Variants in ZNF681 observed in about 807,000 individuals in gnomAD.
The protein encoded by ZNF681 is zinc finger protein 681.
In ZNF681, 37 loss-of-function variants were observed where a neutral mutation model predicts 56.0. That is an observed-to-expected ratio of 0.66 (90% CI 0.51 to 0.87). The LOEUF (loss-of-function observed/expected upper bound fraction) is 0.87. ZNF681 is among the 40% of genes least tolerant of loss of function. The pLI is 0.00. For synonymous variants in ZNF681, 225 were observed against 248.6 expected, an observed-to-expected ratio of 0.91 and a Z score of 0.89; for missense variants, 741 against 744.9, an observed-to-expected ratio of 0.99 and a Z score of 0.06.
In ZNF681 at chr19:23,743,823, T is replaced by G; in HGVS notation, c.1727A>C (p.His576Pro). 6.2e-7 allele frequency: 1 copy of G among 1,612,742 alleles called. No individual in the cohort carries two copies. The highest frequency in any genetic ancestry group is 8.5e-7 in the Non-Finnish European group (1 of 1,179,550). Reference protein sequence around the residue: ...ECGKAFNQSSHLTRHKRIHTG... With the variant: ...ECGKAFNQSSPLTRHKRIHTG... ...ATGAATTCTCTTATGTCTAGTAAGG[T>G]GTGAGGACTGGTTAAAGGCTTTACC... The change falls in exon 4 of 4, where the codon CAC becomes CCC. Residue 576 changes from histidine to proline, a missense_variant. Transcript: ENST00000402377.
intron 3 of ZNF681, among the ~76,000 whole-genome samples, chr19:23,747,440 C>T (rs1444901429): frequency 2.6e-5 from 4 of 151,786 alleles, no homozygotes; most frequent in Non-Finnish European, 5.9e-5. Context: ...GAGATCAAGA[C>T]CATCCTGGCT....
chr19:23,757,919 T>C (rs958435371), intron 1 of ZNF681, among the ~76,000 whole-genome samples: 1 of 152,194 alleles, frequency 6.6e-6, no homozygotes. Flanking sequence ...GCCCTATCAA[T>C]TATATGACAT....
chr19:23,739,341 G>C lies in ZNF681; in HGVS notation c.*4271C>G, dbSNP rs1013444708. The C allele has an allele frequency of 6.6e-6, 1 of 152,112 alleles. No homozygotes were observed. Among genetic ancestry groups the C allele is most frequent in the Non-Finnish European group, 1.5e-5 (1 of 68,020 alleles). The allele number at this position is 152,112 out of a possible 1,614,324, so 9.4% of individuals were successfully genotyped here. On this transcript the variant is annotated 3_prime_UTR_variant, in exon 4 of 4. Coordinates refer to ENST00000402377, the MANE Select transcript of ZNF681 (RefSeq NM_138286.3). ...ATGCCAACATATTTGGAAAAAAGAG[G>C]GGTTTAGAAAGATGTCAGTCAAATA...
chr19:23,744,930 A>G lies in ZNF681; in HGVS notation c.620T>C (p.Phe207Ser). 6.2e-7 allele frequency: 1 copy of G among 1,602,950 alleles called. No homozygotes were observed. Among genetic ancestry groups the G allele is most frequent in the South Asian group, 1.1e-5 (1 of 89,328 alleles). ...FYKCEDCGKA[F>S]NGSSIFTKHK... ...TTTAGTAAAGATTGAGGATCCATTAAAGGCTTTTCCACAGTCTTCACATTT... is the reference window on the plus strand; with the variant it reads ...TTTAGTAAAGATTGAGGATCCATTAGAGGCTTTTCCACAGTCTTCACATTT... Residue 207 changes from phenylalanine (F) to serine (S), a missense_variant, in exon 4 of 4, where the codon TTT (phenylalanine) becomes TCT (serine). By Grantham distance (155) the Phe-to-Ser change is radical (BLOSUM62 -2). Transcript: ENST00000402377.
chr19:23,748,671 G>T (rs987367746), intron 3 of ZNF681, among the ~76,000 whole-genome samples: 2 of 152,020 alleles, frequency 1.3e-5, no homozygotes, highest in Admixed American at 1.3e-4. Context: ...AAGGTCCATG[G>T]CAGTTAATAT....
Position 23,743,806 on chromosome 19 carries a change from T to C in ZNF681, c.1744A>G (p.Arg582Gly), listed in dbSNP as rs1968899784. 1 of 1,613,422 alleles carries C rather than the reference T, an allele frequency of 6.2e-7. No individual in the cohort carries two copies. The highest frequency in any genetic ancestry group is 8.5e-7 in the Non-Finnish European group (1 of 1,179,768). The change falls in exon 4 of 4, where the codon AGA becomes GGA. Residue 582 changes from arginine to glycine, a missense_variant. Coordinates refer to ENST00000402377, the MANE Select transcript of ZNF681 (RefSeq NM_138286.3). ...NQSSHLTRHK[R>G]IHTGEKPYQC... Reference sequence around the variant, plus strand: ...TAGGGTTTCTCTCCAGTATGAATTCTCTTATGTCTAGTAAGGTGTGAGGAC... The same window carrying C: ...TAGGGTTTCTCTCCAGTATGAATTCCCTTATGTCTAGTAAGGTGTGAGGAC...
In ZNF681 at chr19:23,741,867, A is replaced by T. The variant is rs1160233919; in HGVS notation, c.*1745T>A. 1 of 152,200 alleles carries T rather than the reference A, an allele frequency of 6.6e-6. No homozygotes were observed. The highest frequency in any genetic ancestry group is 2.4e-5 in the African/African-American group (1 of 41,450). The allele number at this position is 152,200 out of a possible 1,614,324, so 9.4% of individuals were successfully genotyped here. On this transcript the variant is annotated 3_prime_UTR_variant, in exon 4 of 4. Coordinates refer to ENST00000402377, the MANE Select transcript of ZNF681 (RefSeq NM_138286.3). ...TATGCCATATATGCCATATTTACAC[A>T]TACTATGTACCCACAAAAATTAAGA... is the stretch of plus-strand genomic sequence containing the variant.
At position 23,744,190 on chromosome 19, in the gene ZNF681, C is replaced by G. The variant is rs774017630; in HGVS notation, c.1360G>C (p.Glu454Gln). 2 of 1,613,212 alleles carry G rather than the reference C, an allele frequency of 1.2e-6. No homozygotes were observed. Among genetic ancestry groups the G allele is most frequent in the African/African-American group, 1.3e-5 (1 of 74,774 alleles). The change falls in exon 4 of 4, where the codon GAA becomes CAA. Residue 454 changes from glutamate (E) to glutamine (Q), a missense_variant. Coordinates refer to ENST00000402377, the MANE Select transcript of ZNF681 (RefSeq NM_138286.3). ...HTEEKPYKCEECGKAFNQFSN... is the reference protein window; with the variant it reads ...HTEEKPYKCEQCGKAFNQFSN... Reference sequence around the variant, plus strand: ...AACTGGTTAAAGGCTTTCCCACATTCTTCACATTTGTATGGTTTCTCTTCA... The same window carrying G: ...AACTGGTTAAAGGCTTTCCCACATTGTTCACATTTGTATGGTTTCTCTTCA...
chr19:23,743,643 T>C lies in ZNF681; in HGVS notation c.1907A>G (p.His636Arg). ...DFENTSKFSK[H>R]KRNYAGEKS ...TTTCTCACCAGCATAATTTCTTTTA[T>C]GTTTAGAAAACTTTGAAGTGTTTTC... The change falls in exon 4 of 4, where the codon CAT becomes CGT. Residue 636 changes from histidine to arginine, a missense_variant. By Grantham distance (29) the His-to-Arg change is conservative. Transcript: ENST00000402377. 6.6e-7 allele frequency: 1 copy of C among 1,522,842 alleles called. No individual in the cohort carries two copies. The allele number at this position is 1,522,842 out of a possible 1,614,324, so 94.3% of individuals were successfully genotyped here.
chr19:23,753,383 A>G (rs1369509785), intron 3 of ZNF681, among the ~76,000 whole-genome samples: 1 of 152,304 alleles, frequency 6.6e-6, no homozygotes, highest in Non-Finnish European at 1.5e-5. Context: ...TGGGCAACAG[A>G]GCAAGACTCT....
chr19:23,754,379 C>T (rs1969082180), intron 3 of ZNF681, among the ~76,000 whole-genome samples: 1 of 152,112 alleles, frequency 6.6e-6, no homozygotes, highest in African/African-American at 2.4e-5. Flanking sequence ...AATAGAAAAA[C>T]TCGGCAGGGT....
At chr19:23,758,616 TG>T in intron 1 of ZNF681, 130 bp downstream of exon 1, 1 of 1,367,844 alleles carries the variant, frequency 7.3e-7, no homozygotes, top group Non-Finnish European at 1.0e-6. Flanking sequence ...CGCCATCTTA[TG>T]GTCCAAGTGG....
intron 1 of ZNF681, among the ~76,000 whole-genome samples, chr19:23,756,017 A>C (rs1969111566): frequency 6.6e-6 from 1 of 152,150 alleles, no homozygotes. Context: ...CAAGAATATA[A>C]ATAATTCTAC....
At chr19:23,747,910 A>G (rs1968969151) in intron 3 of ZNF681, among the ~76,000 whole-genome samples, 1 of 152,114 alleles carries the variant, frequency 6.6e-6, no homozygotes, top group African/African-American at 2.4e-5. Context: ...TGCCATGAGC[A>G]CACAATAGAG....
At chr19:23,750,308 A>AAAAAAAAAC (rs1969008719) in intron 3 of ZNF681, among the ~76,000 whole-genome samples, 4 of 130,362 alleles carry the variant, frequency 3.1e-5, no homozygotes, top group Non-Finnish European at 3.2e-5. Context: ...AAAAAACCAA[A>AAAAAAAAAC]AAACAACTAA....
Position 23,739,399 on chromosome 19 carries a change from A to C in ZNF681, c.*4213T>G, listed in dbSNP as rs1483828457. ...ACAGTTGAATAGGAGAAATAAGTTC[A>C]AAAAAGCTTTTGTACTGCATGGTGC... On this transcript the variant is annotated 3_prime_UTR_variant, in exon 4 of 4. Transcript: ENST00000402377. 1 of 152,184 alleles carries C rather than the reference A, an allele frequency of 6.6e-6. No individual in the cohort carries two copies. Among genetic ancestry groups the C allele is most frequent in the African/African-American group, 2.4e-5 (1 of 41,440 alleles). 9.4% of individuals were successfully genotyped at this position (152,184 alleles called of 1,614,324 possible).
Position 23,740,138 on chromosome 19 carries a change from T to A in ZNF681, c.*3474A>T, listed in dbSNP as rs1374422306. 2.0e-5 allele frequency: 3 copies of A among 152,200 alleles called. No individual in the cohort carries two copies. Among genetic ancestry groups the A allele is most frequent in the Non-Finnish European group, 2.9e-5 (2 of 68,020 alleles). The allele number at this position is 152,200 out of a possible 1,614,324, so 9.4% of individuals were successfully genotyped here. On this transcript the variant is annotated 3_prime_UTR_variant, in exon 4 of 4. Transcript: ENST00000402377. ...AACGCTAAATGATTTAATCCTTTCA[T>A]CTGTGGACACTGTATGCTTTTTGTT... is the stretch of plus-strand genomic sequence containing the variant.
Position 23,754,819 on chromosome 19 carries a change from C to T in ZNF681, c.226+4G>A. On this transcript the variant is annotated splice_donor_region_variant and intron_variant, in intron 3 of 3. Transcript: ENST00000402377. Reference sequence around the variant, plus strand: ...CTGTTGTATTCACTTTCACTCTCACCTACCTGGGGGTTCGGCCACCATCCT... The same window carrying T: ...CTGTTGTATTCACTTTCACTCTCACTTACCTGGGGGTTCGGCCACCATCCT... 1.9e-6 allele frequency: 3 copies of T among 1,613,032 alleles called. No individual in the cohort carries two copies. The highest frequency in any genetic ancestry group is 2.5e-6 in the Non-Finnish European group (3 of 1,179,062).
rs1162191442 is a variant in ZNF681 at position 23,743,091 on chromosome 19, C to G, written c.*521G>C. On this transcript the variant is annotated 3_prime_UTR_variant, in exon 4 of 4. Transcript: ENST00000402377. ...AAAAATAGATTTTAGTATGAACCCT[C>G]TAGTGTTTTCTAAGCTGTCGTTTTT... 1 of 152,232 alleles carries G rather than the reference C, an allele frequency of 6.6e-6. No homozygotes were observed. 9.4% of individuals were successfully genotyped at this position (152,232 alleles called of 1,614,324 possible).
Sources: allele counts gnomAD v4.1 joint callset (sites outside exome capture counted in the v4.1 genomes callset), GRCh38; gene constraint gnomAD v4.1.1; transcripts MANE v1.5; gene names NCBI Gene and HGNC (gene_info 2026-07-23, HGNC 2026-07-21).